EXT1: variants seen among roughly 807,000 people sequenced by gnomAD.
EXT1 encodes exostosin glycosyltransferase 1.
EXT1 carries 20 observed loss-of-function variants against 82.5 expected under a neutral mutation model. That is an observed-to-expected ratio of 0.24 (90% CI 0.17 to 0.35). The LOEUF is 0.35. Among genes scored for constraint, EXT1 ranks in the 10% least tolerant of loss-of-function variants. The pLI, the probability that EXT1 is intolerant of heterozygous loss-of-function variation, is 1.00. For missense variants in EXT1, 757 were observed against 936.5 expected, an observed-to-expected ratio of 0.81 and a Z score of 2.50; for synonymous variants, 348 against 350.8, an observed-to-expected ratio of 0.99 and a Z score of 0.09.
At chr8:117,927,497 T>C in intron 1 of EXT1, among the ~76,000 whole-genome samples, 1 of 143,984 alleles carries the variant, frequency 6.9e-6, no homozygotes, top group East Asian at 2.0e-4. Flanking sequence ...ATGTCAGTAG[T>C]CTAGCTGAGG....
intron 10 of EXT1, among the ~76,000 whole-genome samples, chr8:117,802,259 G>A (rs1823177629): frequency 6.6e-6 from 1 of 152,072 alleles, no homozygotes; most frequent in Non-Finnish European, 1.5e-5. Flanking sequence ...CCCCCTAAGA[G>A]GCCTTGTATG....
At chr8:118,008,322 T>C (rs1586339891) in intron 1 of EXT1, among the ~76,000 whole-genome samples, 1 of 152,168 alleles carries the variant, frequency 6.6e-6, no homozygotes, top group East Asian at 1.9e-4. Context: ...TGCAGTGAGG[T>C]GATCTTAGCT....
chr8:117,995,932 G>C (rs778603168), intron 1 of EXT1, among the ~76,000 whole-genome samples: 2 of 152,100 alleles, frequency 1.3e-5, no homozygotes, highest in East Asian at 3.9e-4. Context: ...ATAAATGAAC[G>C]AATGGACTGG....
intron 1 of EXT1, among the ~76,000 whole-genome samples, chr8:118,078,994 C>G (rs917170608): frequency 6.6e-6 from 1 of 152,158 alleles, no homozygotes; most frequent in Non-Finnish European, 1.5e-5. Flanking sequence ...TAAAAGCACA[C>G]ACACTTAATG....
intron 8 of EXT1, among the ~76,000 whole-genome samples, chr8:117,809,218 A>AATATATATATACATATATATATATAT (rs1554657609): frequency 9.3e-6 from 1 of 107,946 alleles, no homozygotes; most frequent in Non-Finnish European, 1.9e-5. Flanking sequence ...TGTGTGTATA[A>AATATATATATACATATATATATATAT]ATATATATAT....
chr8:117,831,569 T>A (rs1381375642), intron 3 of EXT1: 1 of 470,982 alleles, frequency 2.1e-6, no homozygotes, highest in Admixed American at 2.3e-5. Flanking sequence ...GAAGATTCCT[T>A]GTGATTTGCA....
intron 1 of EXT1, among the ~76,000 whole-genome samples, chr8:118,006,620 G>A (rs1815781108): frequency 6.6e-6 from 1 of 152,214 alleles, no homozygotes; most frequent in Admixed American, 6.5e-5. Context: ...CTGAGTTCAA[G>A]TTTCACATTA....
intron 1 of EXT1, among the ~76,000 whole-genome samples, chr8:118,080,597 T>A (rs750458910): frequency 1.3e-4 from 20 of 152,196 alleles, no homozygotes; most frequent in Non-Finnish European, 2.9e-4. Context: ...GCGTTGGGCA[T>A]AATCAAAATG....
intron 1 of EXT1, among the ~76,000 whole-genome samples, chr8:118,042,850 CTTGTT>C (rs1360895420): frequency 6.6e-6 from 1 of 152,218 alleles, no homozygotes; most frequent in Non-Finnish European, 1.5e-5. Flanking sequence ...ATCAGTCTCA[CTTGTT>C]TTATGTTCAT....
At chr8:117,971,907 T>C (rs1283774086) in intron 1 of EXT1, among the ~76,000 whole-genome samples, 1 of 152,118 alleles carries the variant, frequency 6.6e-6, no homozygotes, top group African/African-American at 2.4e-5. Flanking sequence ...TCCCAGCACT[T>C]TGGGAGGCCA....
intron 1 of EXT1, among the ~76,000 whole-genome samples, chr8:117,954,444 A>G (rs1210909369): frequency 6.6e-6 from 1 of 152,170 alleles, no homozygotes; most frequent in African/African-American, 2.4e-5. Context: ...CAAAGTGAAG[A>G]AAGGTAAAGT....
chr8:118,079,831 G>A (rs17506072), intron 1 of EXT1, among the ~76,000 whole-genome samples: 2,641 of 152,252 alleles, frequency 0.017, 81 homozygotes, highest in African/African-American at 0.06. Context: ...GTAGTCAGGA[G>A]GAGGATGGCT....
At chr8:117,838,842 A>G (rs1157791358) in intron 1 of EXT1, among the ~76,000 whole-genome samples, 1 of 152,162 alleles carries the variant, frequency 6.6e-6, no homozygotes, top group African/African-American at 2.4e-5. Flanking sequence ...TAATACAGAA[A>G]GGTCGAATAT....
At chr8:117,980,708 T>TTTG (rs1815177845) in intron 1 of EXT1, among the ~76,000 whole-genome samples, 1 of 15,330 alleles carries the variant, frequency 6.5e-5, no homozygotes, top group African/African-American at 5.8e-4. Context: ...GTTTTTTTTT[T>TTTG]TTTTTTTTTT....
chr8:117,841,491 G>C (rs1226367036), intron 1 of EXT1, among the ~76,000 whole-genome samples: 1 of 152,132 alleles, frequency 6.6e-6, no homozygotes, highest in African/African-American at 2.4e-5. Context: ...CTTATGTTTA[G>C]AAATGTGAAT....
chr8:117,859,945 G>A (rs1586246754), intron 1 of EXT1, among the ~76,000 whole-genome samples: 1 of 151,894 alleles, frequency 6.6e-6, no homozygotes, highest in African/African-American at 2.4e-5. Flanking sequence ...TCAGGAGTTC[G>A]GGAACAGCCT....
chr8:118,076,405 T>C (rs1002640902), intron 1 of EXT1, among the ~76,000 whole-genome samples: 3 of 152,238 alleles, frequency 2.0e-5, no homozygotes, highest in Non-Finnish European at 2.9e-5. Context: ...CTGTAAACGT[T>C]AGTAAGTTTT....
At chr8:118,020,081 CA>C (rs767262964) in intron 1 of EXT1, among the ~76,000 whole-genome samples, 48 of 152,274 alleles carry the variant, frequency 3.2e-4, no homozygotes, top group Non-Finnish European at 5.7e-4. Context: ...ACTTCAGAAG[CA>C]ACTTGCATGT....
intron 1 of EXT1, among the ~76,000 whole-genome samples, chr8:118,107,623 T>A (rs150287645): frequency 3.9e-5 from 6 of 152,332 alleles, no homozygotes; most frequent in African/African-American, 1.4e-4. Context: ...TAGTTGCTCT[T>A]ACGCCAGAGC....
Sources: gnomAD v4.1 joint callset for allele counts (sites outside exome capture counted in the v4.1 genomes callset) on GRCh38, gnomAD v4.1.1 for gene constraint, MANE v1.5 for transcripts, NCBI Gene and HGNC (gene_info 2026-07-23, HGNC 2026-07-21) for gene names.